The following CSMD1 variants were observed in gnomAD, a reference collection of about 807,000 sequenced individuals.
CSMD1 encodes the protein CUB and sushi domain-containing protein 1.
Under a neutral mutation model 417.5 loss-of-function variants are expected in CSMD1, and 213 were observed. That is an observed-to-expected ratio of 0.51 (90% confidence interval 0.46 to 0.57). The LOEUF (loss-of-function observed/expected upper bound fraction) is 0.57, where lower values mean the gene tolerates loss of function less well. Ranked by LOEUF, CSMD1 falls within the 20% of genes least tolerant of loss-of-function variation. The pLI, the probability that CSMD1 is intolerant of heterozygous loss-of-function variation, is 0.00. For missense variants in CSMD1, 6,923 were observed against 4,529.7 expected (o/e 1.53, Z -15.17); for synonymous variants, 2,862 against 1,736.8 (o/e 1.65, Z -16.11).
chr8:4,187,296 C>T (rs1450791357), intron 3 of CSMD1, among the ~76,000 whole-genome samples: 1 of 152,120 alleles, frequency 6.6e-6, no homozygotes, highest in Admixed American at 6.6e-5. Context: ...CTCTTTCAGT[C>T]ATAGGAAAGG....
intron 52 of CSMD1, among the ~76,000 whole-genome samples, chr8:3,017,510 A>G (rs184189272): frequency 1.7e-4 from 26 of 152,312 alleles, no homozygotes; most frequent in Admixed American, 1.6e-3. Flanking sequence ...TACATAATAC[A>G]CTAGACAGAG....
chr8:3,118,247 T>G (rs1181598315), intron 42 of CSMD1, among the ~76,000 whole-genome samples, 152 bp downstream of exon 42: 1 of 152,212 alleles, frequency 6.6e-6, no homozygotes, highest in African/African-American at 2.4e-5. Flanking sequence ...ACATATTCCT[T>G]AAATACTAAG....
chr8:3,258,805 G>A (rs1260486948), intron 26 of CSMD1, among the ~76,000 whole-genome samples: 1 of 152,214 alleles, frequency 6.6e-6, no homozygotes, highest in Non-Finnish European at 1.5e-5. Flanking sequence ...CATGGATGGA[G>A]CTGGAGGCCA....
intron 3 of CSMD1, among the ~76,000 whole-genome samples, chr8:4,102,133 A>G (rs2130881623): frequency 6.6e-6 from 1 of 152,330 alleles, no homozygotes; most frequent in South Asian, 2.1e-4. Flanking sequence ...TATAAAAACA[A>G]AAACAACCTC....
intron 12 of CSMD1, among the ~76,000 whole-genome samples, chr8:3,459,660 C>G (rs1816375717): frequency 1.3e-5 from 2 of 152,174 alleles, no homozygotes; most frequent in South Asian, 4.2e-4. Flanking sequence ...GAGGTGGACT[C>G]AGAGAACCAG....
At chr8:3,669,577 T>G (rs1402493189) in intron 7 of CSMD1, among the ~76,000 whole-genome samples, 1 of 152,198 alleles carries the variant, frequency 6.6e-6, no homozygotes. Flanking sequence ...GTAGCCTGAA[T>G]GAGACTCTTC....
intron 3 of CSMD1, among the ~76,000 whole-genome samples, chr8:4,282,249 G>C (rs980606078): frequency 1.3e-5 from 2 of 152,164 alleles, no homozygotes; most frequent in Admixed American, 1.3e-4. Context: ...ATGCAAAGGT[G>C]AATATAATCC....
intron 6 of CSMD1, among the ~76,000 whole-genome samples, chr8:3,742,036 C>T (rs1584931757): frequency 7.0e-6 from 1 of 143,578 alleles, no homozygotes; most frequent in Non-Finnish European, 1.5e-5. Context: ...CTCTCCTTTT[C>T]TTCCCAGCTT....
At chr8:4,338,784 T>A (rs147043683) in intron 3 of CSMD1, among the ~76,000 whole-genome samples, 1 of 152,092 alleles carries the variant, frequency 6.6e-6, no homozygotes, top group Non-Finnish European at 1.5e-5. Context: ...ATGAATCATA[T>A]TGATATTAGT....
chr8:4,501,832 C>A (rs1322220024), intron 2 of CSMD1, among the ~76,000 whole-genome samples: 1 of 152,066 alleles, frequency 6.6e-6, no homozygotes, highest in East Asian at 1.9e-4. Context: ...ATAAATGAAC[C>A]TTTATCAGAG....
At chr8:4,340,903 G>C (rs7824165) in intron 3 of CSMD1, among the ~76,000 whole-genome samples, 8,677 of 152,018 alleles carry the variant, frequency 0.057, 733 homozygotes, top group African/African-American at 0.19. Flanking sequence ...ACAATTTAAA[G>C]TGGGAACTCA....
chr8:3,820,919 T>C (rs1801700623), intron 5 of CSMD1, among the ~76,000 whole-genome samples: 2 of 151,964 alleles, frequency 1.3e-5, no homozygotes, highest in Admixed American at 1.3e-4. Flanking sequence ...TGTTCTATCT[T>C]TTTTTTAATT....
At chr8:3,884,660 G>A (rs1026621648) in intron 5 of CSMD1, among the ~76,000 whole-genome samples, 8 of 151,988 alleles carry the variant, frequency 5.3e-5, no homozygotes. Flanking sequence ...AATAAATTCT[G>A]GATATTCTTC....
rs183136644 is a variant in CSMD1 at position 4,748,184 on chromosome 8, C to G, written c.86-110626G>C. 2.8e-3 allele frequency among the ~76,000 whole-genome samples: 432 copies of G among 152,280 alleles called. 1 individual carries two copies. The highest frequency in any genetic ancestry group is 4.8e-3 in the Non-Finnish European group (325 of 68,032). ...ATGTTTCTACTCCATCACCTTGGCACATAAACATCATGCTCAAATTCCTTT... is the reference window on the plus strand; with the variant it reads ...ATGTTTCTACTCCATCACCTTGGCAGATAAACATCATGCTCAAATTCCTTT... On this transcript the variant is annotated intron_variant, in intron 1 of 69. Coordinates refer to ENST00000635120, the MANE Select transcript of CSMD1 (RefSeq NM_033225.6).
rs1585142101 is a variant in CSMD1, at chr8:4,813,305, G to A, written c.86-175747C>T. ...AAATAAACAAATCACTCCCCCCACA[G>A]AGCCGGGGCTGTGATGAGAAATAAA... On this transcript the variant is annotated intron_variant, in intron 1 of 69. Coordinates refer to ENST00000635120, the MANE Select transcript of CSMD1 (RefSeq NM_033225.6). Among the ~76,000 whole-genome samples the A allele has an allele frequency of 2.0e-5, 3 of 152,096 alleles. No individual in the cohort carries two copies. In the East Asian group the frequency reaches 5.8e-4, roughly 29 times the overall value.
chr8:4,033,189 C>G (rs978275545), intron 3 of CSMD1, among the ~76,000 whole-genome samples: 1 of 150,174 alleles, frequency 6.7e-6, no homozygotes, highest in Non-Finnish European at 1.5e-5. Flanking sequence ...GCCTGTAGTC[C>G]CAGCACTTTG....
At chr8:3,052,163 G>C (rs765138077) in intron 50 of CSMD1, among the ~76,000 whole-genome samples, 5 of 152,134 alleles carry the variant, frequency 3.3e-5, no homozygotes, top group Admixed American at 6.5e-5. Flanking sequence ...ATTTCCTCTA[G>C]ATTTCATCCC....
intron 3 of CSMD1, among the ~76,000 whole-genome samples, chr8:4,204,208 T>C (rs114218304): frequency 0.011 from 1,719 of 152,144 alleles, 27 homozygotes; most frequent in African/African-American, 0.04. Context: ...AATTTCAAAG[T>C]GGTTTTTCAC....
intron 4 of CSMD1, among the ~76,000 whole-genome samples, chr8:4,014,494 T>C (rs1323905638): frequency 1.3e-5 from 2 of 152,220 alleles, no homozygotes; most frequent in Non-Finnish European, 2.9e-5. Flanking sequence ...TGGCTTCTTT[T>C]GATGTCTGTT....
Sources: gnomAD v4.1 joint callset for allele counts (sites outside exome capture counted in the v4.1 genomes callset) on GRCh38, gnomAD v4.1.1 for gene constraint, MANE v1.5 for transcripts, NCBI Gene and HGNC (gene_info 2026-07-23, HGNC 2026-07-21) for gene names.